The following MYRFL variants were observed in gnomAD, a reference collection of about 807,000 sequenced individuals.
The protein encoded by MYRFL is myelin regulatory factor-like protein.
A neutral mutation model predicts 109.4 loss-of-function variants in MYRFL; 88 were observed. The observed-to-expected ratio is 0.80, with a 90% CI of 0.68 to 0.96. MYRFL has a LOEUF of 0.96. Ranked by LOEUF, MYRFL falls within the 40% of genes least tolerant of loss-of-function variation. The pLI, the probability that MYRFL is intolerant of heterozygous loss-of-function variation, is 0.00. For missense variants in MYRFL, 957 were observed against 954.9 expected (o/e 1.00, Z -0.03); for synonymous variants, 324 against 320.9 (o/e 1.01, Z -0.10).
At chr12:69,937,123 G>GACAC (rs148589014) in intron 19 of MYRFL, among the ~76,000 whole-genome samples, 1 of 151,530 alleles carries the variant, frequency 6.6e-6, no homozygotes, top group African/African-American at 2.4e-5. Flanking sequence ...TCCTCCTAGG[G>GACAC]ACACACACAC....
chr12:69,874,357 T>A (rs1378624539), intron 2 of MYRFL, among the ~76,000 whole-genome samples: 1 of 152,130 alleles, frequency 6.6e-6, no homozygotes, highest in Non-Finnish European at 1.5e-5. Flanking sequence ...TTAATATTTT[T>A]TGTAGAAACA....
chr12:69,857,060 A>T (rs568059952), intron 2 of MYRFL, among the ~76,000 whole-genome samples: 40 of 151,976 alleles, frequency 2.6e-4, no homozygotes, highest in African/African-American at 9.6e-4. Flanking sequence ...AAGGCTTGAG[A>T]TACAGATTTA....
chr12:69,891,489 T>A (rs12297762), intron 7 of MYRFL, among the ~76,000 whole-genome samples: 45,658 of 147,554 alleles, frequency 0.31, 7,402 homozygotes, highest in African/African-American at 0.37. Context: ...TGGGATAGCT[T>A]GTGTTTCTTC....
chr12:69,922,376 C>T, intron 13 of MYRFL, among the ~76,000 whole-genome samples: 1 of 151,998 alleles, frequency 6.6e-6, no homozygotes, highest in East Asian at 1.9e-4. Context: ...AAAACCTGTA[C>T]CAGGATTAGA....
At chr12:69,910,973 A>G (rs1298641400) in intron 13 of MYRFL, 43 bp downstream of exon 13, 54 of 1,382,288 alleles carry the variant, frequency 3.9e-5, no homozygotes, top group Non-Finnish European at 5.0e-5. Context: ...CTATCAGTCT[A>G]GGGATAAACC....
intron 2 of MYRFL, among the ~76,000 whole-genome samples, chr12:69,860,733 TC>T (rs1451248773): frequency 6.6e-6 from 1 of 152,092 alleles, no homozygotes; most frequent in East Asian, 1.9e-4. Flanking sequence ...AGATTTATTT[TC>T]TTTTTTTATT....
chr12:69,910,459 C>A (rs912640140), intron 12 of MYRFL, among the ~76,000 whole-genome samples: 7 of 151,614 alleles, frequency 4.6e-5, no homozygotes, highest in African/African-American at 1.2e-4. Context: ...AAGGGGTAAG[C>A]AAAGTGATGT....
chr12:69,881,349 T>C (rs1343991816), intron 5 of MYRFL, among the ~76,000 whole-genome samples: 1 of 152,184 alleles, frequency 6.6e-6, no homozygotes, highest in Non-Finnish European at 1.5e-5. Context: ...TCCCATTTCT[T>C]CTATCCCAGT....
rs1956147415 is a variant in MYRFL at position 69,958,535 on chromosome 12, G to T, written c.*4G>T. The T allele has an allele frequency of 1.3e-6, 2 of 1,527,222 alleles. No individual in the cohort carries two copies. The highest frequency in any genetic ancestry group is 2.8e-5 in the African/African-American group (2 of 72,504). 94.6% of individuals were successfully genotyped at this position (1,527,222 alleles called of 1,614,324 possible). On this transcript the variant is annotated 3_prime_UTR_variant, in exon 25 of 25. Coordinates refer to ENST00000552032, the MANE Select transcript of MYRFL (RefSeq NM_182530.3). ...CTTCTATCGACGCTGTGCCTAATTT[G>T]TTCAAGTTTGGGGACTTTACCAAAG...
chr12:69,908,080 A>C (rs1954428605), intron 11 of MYRFL, among the ~76,000 whole-genome samples: 3 of 152,068 alleles, frequency 2.0e-5, no homozygotes, highest in Non-Finnish European at 4.4e-5. Context: ...TGTGGCTAGC[A>C]TTCCTGTCTT....
chr12:69,958,410 T>C, intron 24 of MYRFL, 35 bp from the exon 25 acceptor site: 1 of 1,507,408 alleles, frequency 6.6e-7, no homozygotes, highest in Non-Finnish European at 8.8e-7. Context: ...ATTTTTACAT[T>C]AATCTTCCTT....
In MYRFL at chr12:69,855,367, C is replaced by T; in HGVS notation, c.134C>T (p.Ala45Val). The T allele has an allele frequency of 5.7e-6, 4 of 702,480 alleles. No homozygotes were observed. The highest frequency in any genetic ancestry group is 1.0e-5 in the Non-Finnish European group (4 of 384,672). The allele number at this position is 702,480 out of a possible 1,614,324, so 43.5% of individuals were successfully genotyped here. ...EFLGNDFDLG[A>V]LQRQLPDTPP... The stretch of plus-strand genomic sequence containing the variant: ...CTGGGCAATGACTTTGATTTGGGGG[C>T]CTTGTAAGTAATGAGAGCACTGCTC... The change falls in exon 2 of 25, where the codon GCC becomes GTC. Residue 45 changes from alanine to valine, a missense_variant. Ala to Val is a moderately conservative substitution (Grantham distance 64). Coordinates refer to ENST00000552032, the MANE Select transcript of MYRFL (RefSeq NM_182530.3).
At chr12:69,846,693 G>A (rs925153230) in intron 1 of MYRFL, among the ~76,000 whole-genome samples, 4 of 152,182 alleles carry the variant, frequency 2.6e-5, no homozygotes, top group South Asian at 2.1e-4. Context: ...CATGATTTAT[G>A]GTCCTTTGGG....
intron 2 of MYRFL, 65 bp from the exon 3 acceptor site, chr12:69,878,963 A>T (rs1337759674): frequency 2.8e-6 from 2 of 702,480 alleles, no homozygotes; most frequent in African/African-American, 3.5e-5. Context: ...GTTGTCTCCC[A>T]TTTGTGACAA....
At chr12:69,931,197 A>C (rs956279929) in intron 15 of MYRFL, among the ~76,000 whole-genome samples, 1 of 152,204 alleles carries the variant, frequency 6.6e-6, no homozygotes, top group African/African-American at 2.4e-5. Flanking sequence ...AAAATAATTC[A>C]GCAGCTGTGG....
At chr12:69,830,468 G>A (rs1036546831) in intron 1 of MYRFL, among the ~76,000 whole-genome samples, 1 of 147,268 alleles carries the variant, frequency 6.8e-6, no homozygotes, top group Admixed American at 6.9e-5. Flanking sequence ...CATTTATATA[G>A]ATATATAGAG....
intron 2 of MYRFL, among the ~76,000 whole-genome samples, chr12:69,866,362 A>T (rs189335077): frequency 1.3e-5 from 2 of 152,200 alleles, no homozygotes; most frequent in African/African-American, 4.8e-5. Flanking sequence ...AAGCAGAAAC[A>T]TGGCTAGTCC....
intron 21 of MYRFL, among the ~76,000 whole-genome samples, chr12:69,954,451 C>T (rs1592904343): frequency 6.6e-6 from 1 of 152,148 alleles, no homozygotes; most frequent in African/African-American, 2.4e-5. Flanking sequence ...GCAAGTTGCA[C>T]TCTTATTTTT....
intron 6 of MYRFL, among the ~76,000 whole-genome samples, chr12:69,890,134 T>C (rs1297709418): frequency 6.6e-6 from 1 of 152,230 alleles, no homozygotes; most frequent in African/African-American, 2.4e-5. Context: ...TGGCTCTGGT[T>C]GATTTAAGAG....
Sources: allele counts gnomAD v4.1 joint callset (sites outside exome capture counted in the v4.1 genomes callset), GRCh38; gene constraint gnomAD v4.1.1; transcripts MANE v1.5; gene names NCBI Gene and HGNC (gene_info 2026-07-23, HGNC 2026-07-21).